Variants in PDK1 observed in about 807,000 individuals in gnomAD.
The protein encoded by PDK1 is pyruvate dehydrogenase kinase 1.
PDK1 carries 39 observed loss-of-function variants against 54.2 expected under a neutral mutation model. The observed-to-expected ratio is 0.72, with a 90% confidence interval of 0.56 to 0.94. The LOEUF is 0.94. Among genes scored for constraint, PDK1 ranks in the 40% least tolerant of loss-of-function variants. The probability of loss-of-function intolerance (pLI) is 0.00; values close to 1 mark genes in which losing one functional copy is unlikely to be tolerated. For synonymous variants in PDK1, 221 were observed against 207.1 expected (o/e 1.07, Z -0.58); for missense variants, 552 against 566.0 (o/e 0.98, Z 0.25).
rs1691087625 is a variant in PDK1, at chr2:172,600,767, TG to T, written c.*4799del. On this transcript the variant is annotated 3_prime_UTR_variant, in exon 11 of 11. Coordinates refer to ENST00000282077, the MANE Select transcript of PDK1 (RefSeq NM_002610.5). ...TTTAGTTGGGACCAGGTGTGCTATC[TG>T]TACAGAGCATAGCTTTTTATCAGCT... 1 of 152,232 alleles carries T rather than the reference TG, an allele frequency of 6.6e-6. No homozygotes were observed. The highest frequency in any genetic ancestry group is 1.5e-5 in the Non-Finnish European group (1 of 68,048). The allele number at this position is 152,232 out of a possible 1,614,324, so 9.4% of individuals were successfully genotyped here.
At chr2:172,660,512 C>T in the PDK1 span, among the ~76,000 whole-genome samples, 57 of 152,058 alleles carry the variant, frequency 3.7e-4, no homozygotes, top group African/African-American at 1.3e-3. Context: ...CTGCCTCAGC[C>T]TCCCAAAGTG....
chr2:172,723,856 G>A, the PDK1 span: 2 of 152,172 alleles, frequency 1.3e-5, no homozygotes, highest in South Asian at 4.1e-4. Flanking sequence ...AAGAGATGTG[G>A]CAACTGTGGT....
chr2:172,600,986 G>C lies in PDK1; in HGVS notation c.*5017G>C, dbSNP rs1036715906. On this transcript the variant is annotated 3_prime_UTR_variant, in exon 11 of 11. Coordinates refer to ENST00000282077, the MANE Select transcript of PDK1 (RefSeq NM_002610.5). The stretch of plus-strand genomic sequence containing the variant: ...AGGAATGTGCTTATTAAGGGCCACT[G>C]TTTTACTGGGGTTAACTGCATGAGG... 3 of 152,116 alleles carry C rather than the reference G, an allele frequency of 2.0e-5. No homozygotes were observed. Among genetic ancestry groups the C allele is most frequent in the African/African-American group, 7.2e-5 (3 of 41,428 alleles). 9.4% of individuals were successfully genotyped at this position (152,116 alleles called of 1,614,324 possible). A position where few individuals can be genotyped will look rare whatever the true frequency, so the allele number is the denominator to read the frequency against.
rs964705665 is a variant in PDK1 at position 172,597,133 on chromosome 2, G to T, written c.*1164G>T. ...TTTCTTTTTTTTTTTTCAAGACAGGGTCTCGCTCTTTTGCCCAGGATGGAG... is the reference window on the plus strand; with the variant it reads ...TTTCTTTTTTTTTTTTCAAGACAGGTTCTCGCTCTTTTGCCCAGGATGGAG... On this transcript the variant is annotated 3_prime_UTR_variant, in exon 11 of 11. Transcript: ENST00000282077. 1 of 151,450 alleles carries T rather than the reference G, an allele frequency of 6.6e-6. No homozygotes were observed. Among genetic ancestry groups the T allele is most frequent in the Non-Finnish European group, 1.5e-5 (1 of 67,908 alleles). The allele number at this position is 151,450 out of a possible 1,614,324, so 9.4% of individuals were successfully genotyped here.
chr2:172,705,276 G>A, the PDK1 span, among the ~76,000 whole-genome samples: 2 of 152,154 alleles, frequency 1.3e-5, no homozygotes, highest in African/African-American at 4.8e-5. Flanking sequence ...TGAAAATTTT[G>A]CTAAAACATT....
At chr2:172,640,948 TTTCTC>T in the PDK1 span, among the ~76,000 whole-genome samples, 1 of 146,224 alleles carries the variant, frequency 6.8e-6, no homozygotes, top group Admixed American at 6.8e-5. Context: ...CCTCCCTTCT[TTTCTC>T]TTTCTCTGTT....
At chr2:172,639,034 T>G in the PDK1 span, among the ~76,000 whole-genome samples, 1 of 151,782 alleles carries the variant, frequency 6.6e-6, no homozygotes, top group South Asian at 2.1e-4. Context: ...TTAAAAAAAT[T>G]TTATTTTTTA....
At chr2:172,593,157 A>G in intron 10 of PDK1, 109 bp downstream of exon 10, 1 of 556,228 alleles carries the variant, frequency 1.8e-6, no homozygotes, top group East Asian at 3.4e-5. Flanking sequence ...TAAATAGAAA[A>G]AAACTATGGT....
the PDK1 span, among the ~76,000 whole-genome samples, chr2:172,707,305 A>G: frequency 2.6e-5 from 4 of 152,158 alleles, no homozygotes; most frequent in African/African-American, 7.2e-5. Context: ...CTTTGTCATT[A>G]CAGCCTGGTG....
downstream of PDK1, among the ~76,000 whole-genome samples, chr2:172,613,261 G>A (rs1691518982): frequency 6.6e-6 from 1 of 152,202 alleles, no homozygotes; most frequent in South Asian, 2.1e-4. Flanking sequence ...TAGGGGTGTG[G>A]CCTTGCGTTG....
intron 8 of PDK1, among the ~76,000 whole-genome samples, chr2:172,573,817 T>TG (rs1430369899): frequency 6.6e-6 from 1 of 152,118 alleles, no homozygotes; most frequent in Non-Finnish European, 1.5e-5. Flanking sequence ...TAAATAGAGA[T>TG]GGGGTCTTGC....
the PDK1 span, among the ~76,000 whole-genome samples, chr2:172,622,697 A>G: frequency 1.7e-4 from 21 of 120,746 alleles, no homozygotes; most frequent in Non-Finnish European, 3.9e-4. Context: ...AGATATGTTT[A>G]TATCTCATAT....
the PDK1 span, among the ~76,000 whole-genome samples, chr2:172,661,159 T>G: frequency 6.6e-6 from 1 of 152,078 alleles, no homozygotes; most frequent in Non-Finnish European, 1.5e-5. Flanking sequence ...GGTTTTCAGT[T>G]GAATGTAGCT....
Position 172,602,917 on chromosome 2 carries a change from G to A in PDK1, c.*6948G>A, listed in dbSNP as rs1352168716. 6.6e-6 allele frequency: 1 copy of A among 152,196 alleles called. No individual in the cohort carries two copies. Among genetic ancestry groups the A allele is most frequent in the East Asian group, 1.9e-4 (1 of 5,196 alleles). 9.4% of individuals were successfully genotyped at this position (152,196 alleles called of 1,614,324 possible). The stretch of plus-strand genomic sequence containing the variant: ...ACCATCAGGTGATGCCTCATTTGCT[G>A]TGGTGCACAGCTGAACTTGATTGTT... On this transcript the variant is annotated 3_prime_UTR_variant, in exon 11 of 11. Transcript: ENST00000282077.
At chr2:172,642,914 C>T in the PDK1 span, among the ~76,000 whole-genome samples, 1 of 152,206 alleles carries the variant, frequency 6.6e-6, no homozygotes, top group South Asian at 2.1e-4. Context: ...TCTCCTCTTT[C>T]TCCTACTCCT....
At chr2:172,652,682 A>C in the PDK1 span, among the ~76,000 whole-genome samples, 11 of 152,212 alleles carry the variant, frequency 7.2e-5, no homozygotes, top group African/African-American at 2.2e-4. Context: ...ATAACAGACA[A>C]ACAGAGAGCC....
At chr2:172,595,635 T>C (rs1489562838) in intron 10 of PDK1, among the ~76,000 whole-genome samples, 194 bp from the exon 11 acceptor site, 1 of 152,184 alleles carries the variant, frequency 6.6e-6, no homozygotes, top group African/African-American at 2.4e-5. Flanking sequence ...CATCAGTCAG[T>C]GCCATAGATT....
chr2:172,690,642 A>G, the PDK1 span, among the ~76,000 whole-genome samples: 9,300 of 150,088 alleles, frequency 0.062, 1,932 homozygotes, highest in East Asian at 0.69. Flanking sequence ...AAAATGTGGC[A>G]CATATACACC....
At chr2:172,650,171 G>A in the PDK1 span, among the ~76,000 whole-genome samples, 631 of 152,306 alleles carry the variant, frequency 4.1e-3, 1 homozygote, top group Non-Finnish European at 7.3e-3. Context: ...AGAAGAGAGT[G>A]GGGGCCAATA....
Sources: allele counts gnomAD v4.1 joint callset (sites outside exome capture counted in the v4.1 genomes callset), GRCh38; gene constraint gnomAD v4.1.1; transcripts MANE v1.5; gene names NCBI Gene and HGNC (gene_info 2026-07-23, HGNC 2026-07-21).